HLA-DQA1: variants seen among roughly 807,000 people sequenced by gnomAD.
HLA-DQA1 encodes HLA class II histocompatibility antigen, DQ alpha 1 chain.
Under a neutral mutation model 20.7 loss-of-function variants are expected in HLA-DQA1, and 10 were observed. The observed-to-expected ratio is 0.48, with a 90% CI of 0.30 to 0.82. The LOEUF (loss-of-function observed/expected upper bound fraction) is 0.82. Ranked by LOEUF, HLA-DQA1 falls within the 40% of genes least tolerant of loss-of-function variation. The pLI, the probability that HLA-DQA1 is intolerant of heterozygous loss-of-function variation, is 0.07. For missense variants in HLA-DQA1, 127 were observed against 293.0 expected (o/e 0.43, Z 4.14); for synonymous variants, 39 against 109.2 (o/e 0.36, Z 4.01).
chr6:32,653,022 GA>G, the HLA-DQA1 span, among the ~76,000 whole-genome samples: 2,255 of 148,674 alleles, frequency 0.015, 75 homozygotes, highest in East Asian at 0.14. Context: ...ATTATAGGTG[GA>G]TTCTTCCTGG....
downstream of HLA-DQA1, chr6:32,646,983 T>C (rs957096645): frequency 1.6e-5 from 2 of 126,246 alleles, no homozygotes; most frequent in Non-Finnish European, 3.5e-5. Flanking sequence ...TATCTAATTT[T>C]AGTGTGGTAA....
the HLA-DQA1 span, among the ~76,000 whole-genome samples, chr6:32,655,259 G>GGTTTTTTAT: frequency 3.6e-4 from 50 of 140,534 alleles, no homozygotes; most frequent in African/African-American, 1.3e-3. Flanking sequence ...AAAGTTTTCT[G>GGTTTTTTAT]TTTTTTAAAA....
chr6:32,652,976 G>C, the HLA-DQA1 span, among the ~76,000 whole-genome samples: 7,296 of 149,558 alleles, frequency 0.049, 423 homozygotes, highest in South Asian at 0.13. Context: ...ATTAGGGAAA[G>C]GGTTTAGGAC....
At chr6:32,640,593 C>A (rs1445734099) in intron 1 of HLA-DQA1, among the ~76,000 whole-genome samples, 2 of 103,860 alleles carry the variant, frequency 1.9e-5, no homozygotes, top group Non-Finnish European at 4.2e-5. Flanking sequence ...TGACAGAAAT[C>A]CAAAAACTAG....
intron 1 of HLA-DQA1, among the ~76,000 whole-genome samples, chr6:32,638,048 G>A (rs28383348): frequency 0.076 from 9,442 of 124,492 alleles, 645 homozygotes; most frequent in South Asian, 0.11. Flanking sequence ...GGTGGGGAGT[G>A]GGTAAAGGAG....
chr6:32,641,108 C>CCG (rs763467799), intron 1 of HLA-DQA1, among the ~76,000 whole-genome samples: 11,946 of 99,382 alleles, frequency 0.12, 1,574 homozygotes, highest in East Asian at 0.23. Context: ...GTAGCGCACA[C>CCG]TAGAGTGGGA....
At chr6:32,642,316 T>A in intron 3 of HLA-DQA1, 63 bp downstream of exon 3, 2 of 1,107,014 alleles carry the variant, frequency 1.8e-6, no homozygotes, top group Non-Finnish European at 1.3e-6. Context: ...ACTTCCTGCC[T>A]TTTACTCCTA....
intron 1 of HLA-DQA1, among the ~76,000 whole-genome samples, chr6:32,640,331 C>T (rs28383405): frequency 0.014 from 1,209 of 85,010 alleles, 31 homozygotes; most frequent in Middle Eastern, 0.031. Context: ...CTATGTCTGA[C>T]ACTTGTGGAT....
chr6:32,655,050 A>G, the HLA-DQA1 span, among the ~76,000 whole-genome samples: 9,172 of 34,096 alleles, frequency 0.27, 3,265 homozygotes, highest in Middle Eastern at 0.62. Flanking sequence ...AAAAAAAAAA[A>G]GGAAATTGCT....
chr6:32,644,015 A>T (rs9273028), downstream of HLA-DQA1: 1 of 103,562 alleles, frequency 9.7e-6, no homozygotes, highest in African/African-American at 3.2e-5. Context: ...GAATATGGCT[A>T]CAGGATGTTT....
At chr6:32,649,216 T>A (rs555746221), downstream of HLA-DQA1, among the ~76,000 whole-genome samples, 31 of 96,818 alleles carry the variant, frequency 3.2e-4, 13 homozygotes, top group Non-Finnish European at 7.1e-4. Flanking sequence ...CCCAAGGTAA[T>A]TTATGGATTC....
chr6:32,642,958 C>G lies in HLA-DQA1; in HGVS notation c.*27C>G. ...CATGTCTGCCCTGTTGCAGGTGCAT[C>G]GCCATCTACAGGAGCAGAAGAATGG... is the stretch of plus-strand genomic sequence containing the variant. On this transcript the variant is annotated 3_prime_UTR_variant, in exon 5 of 5. Transcript: ENST00000343139. 1 of 507,756 alleles carries G rather than the reference C, an allele frequency of 2.0e-6. No individual in the cohort carries two copies. The highest frequency in any genetic ancestry group is 3.5e-6 in the Non-Finnish European group (1 of 283,044). 31.5% of individuals were successfully genotyped at this position (507,756 alleles called of 1,614,324 possible). A position where few individuals can be genotyped will look rare whatever the true frequency, so the allele number is the denominator to read the frequency against.
At chr6:32,640,187 A>G (rs1781262473) in intron 1 of HLA-DQA1, among the ~76,000 whole-genome samples, 1 of 99,220 alleles carries the variant, frequency 1.0e-5, no homozygotes, top group African/African-American at 3.5e-5. Flanking sequence ...GTTGGACTGT[A>G]AGGCTGTCGA....
At chr6:32,640,195 C>A (rs9272620) in intron 1 of HLA-DQA1, among the ~76,000 whole-genome samples, 1 of 94,454 alleles carries the variant, frequency 1.1e-5, no homozygotes, top group African/African-American at 3.7e-5. Flanking sequence ...GTAAGGCTGT[C>A]GATATCCTCC....
downstream of HLA-DQA1, chr6:32,646,649 C>T (rs9273279): frequency 8.2e-4 from 33 of 40,288 alleles, 4 homozygotes; most frequent in East Asian, 2.7e-3. Context: ...AAACTAGGGA[C>T]TTGAAGAATT....
chr6:32,643,933 C>T (rs1781694391), downstream of HLA-DQA1: 1 of 151,092 alleles, frequency 6.6e-6, no homozygotes, highest in South Asian at 2.1e-4. Flanking sequence ...TGCCTCACCT[C>T]CTGAATGAAG....
downstream of HLA-DQA1, chr6:32,645,710 G>A (rs4529332): frequency 0.75 from 63,702 of 84,750 alleles, 28,781 homozygotes; most frequent in South Asian, 0.89. Flanking sequence ...GATCCTAAAT[G>A]TGTAAAATAA....
the HLA-DQA1 span, among the ~76,000 whole-genome samples, chr6:32,652,913 G>A: frequency 0.1 from 15,460 of 148,844 alleles, 941 homozygotes; most frequent in Middle Eastern, 0.13. Context: ...AAAGTCTTCA[G>A]CCTAACCCCC....
chr6:32,642,665 G>C lies in HLA-DQA1; in HGVS notation c.669G>C (p.Leu223=), dbSNP rs746400068. The change falls in exon 4 of 5, where the codon CTG becomes CTC. Residue 223 remains leucine (L), a synonymous_variant. Coordinates refer to ENST00000343139, the MANE Select transcript of HLA-DQA1 (RefSeq NM_002122.5). ...SELTETVVCA[L]GLSVGLMGIV... ...TCACAGAGACTGTGGTCTGTGCCCT[G>C]GGGTTGTCTGTGGGCCTCATGGGCA... 7.7e-7 allele frequency: 1 copy of C among 1,303,450 alleles called. No individual in the cohort carries two copies. Among genetic ancestry groups the C allele is most frequent in the South Asian group, 1.2e-5 (1 of 82,520 alleles). The allele number at this position is 1,303,450 out of a possible 1,614,324, so 80.7% of individuals were successfully genotyped here. A position where few individuals can be genotyped will look rare whatever the true frequency, so the allele number is the denominator to read the frequency against.
Sources: allele counts gnomAD v4.1 joint callset (sites outside exome capture counted in the v4.1 genomes callset), GRCh38; gene constraint gnomAD v4.1.1; transcripts MANE v1.5; gene names NCBI Gene and HGNC (gene_info 2026-07-23, HGNC 2026-07-21).